The following LHPP variants were observed in gnomAD, a reference collection of about 807,000 sequenced individuals.
LHPP encodes the protein hLHPP.
A neutral mutation model predicts 30.3 loss-of-function variants in LHPP; 24 were observed. That is an observed-to-expected ratio of 0.79 (90% CI 0.57 to 1.11). LHPP has a LOEUF of 1.11. Ranked by LOEUF, LHPP falls within the 50% of genes most tolerant of loss-of-function variation. The pLI, the probability that LHPP is intolerant of heterozygous loss-of-function variation, is 0.00. For synonymous variants in LHPP, 150 were observed against 157.1 expected, an observed-to-expected ratio of 0.95 and a Z score of 0.34; for missense variants, 356 against 367.2, an observed-to-expected ratio of 0.97 and a Z score of 0.25.
intron 5 of LHPP, among the ~76,000 whole-genome samples, chr10:124,513,499 C>T (rs1395533937): frequency 8.8e-6 from 1 of 113,754 alleles, no homozygotes; most frequent in Non-Finnish European, 1.6e-5. Context: ...GAGTCTCACT[C>T]CATCGCCCAT....
At chr10:124,579,942 G>A (rs1394669862) in intron 6 of LHPP, among the ~76,000 whole-genome samples, 1 of 152,216 alleles carries the variant, frequency 6.6e-6, no homozygotes, top group Admixed American at 6.5e-5. Flanking sequence ...GGTATTGTGA[G>A]ATTTTTTTAA....
intron 6 of LHPP, among the ~76,000 whole-genome samples, chr10:124,594,329 CAAAAAAAA>C (rs71026102): frequency 1.3e-5 from 1 of 75,344 alleles, no homozygotes; most frequent in Non-Finnish European, 2.2e-5. Context: ...GACTCCATCT[CAAAAAAAA>C]AAAAAAAAAA....
chr10:124,475,871 C>T (rs1952928859), intron 1 of LHPP, among the ~76,000 whole-genome samples: 1 of 152,218 alleles, frequency 6.6e-6, no homozygotes, highest in Non-Finnish European at 1.5e-5. Flanking sequence ...TCCCTCTGGG[C>T]CTTAGTATCC....
rs574372800 is a variant in LHPP, at chr10:124,529,453, G to C, written c.716+12182G>C. ...TCCCCCTTCTCATGGGTGAGTGAAA[G>C]TTGCTGAAAATAGGCCTCCTGGTGA... On this transcript the variant is annotated intron_variant, in intron 6 of 6. Coordinates refer to ENST00000368842, the MANE Select transcript of LHPP (RefSeq NM_022126.4). Among the ~76,000 whole-genome samples the C allele has an allele frequency of 2.6e-5, 4 of 152,248 alleles. No individual in the cohort carries two copies. In the East Asian group the frequency reaches 7.7e-4, roughly 29 times the overall value.
intron 6 of LHPP, among the ~76,000 whole-genome samples, chr10:124,532,304 C>G (rs1954918476): frequency 6.6e-6 from 1 of 152,234 alleles, no homozygotes; most frequent in Non-Finnish European, 1.5e-5. Flanking sequence ...CTTGTGTTGT[C>G]TCTGGGCATT....
intron 6 of LHPP, among the ~76,000 whole-genome samples, chr10:124,534,169 G>T (rs1346927885): frequency 6.6e-6 from 1 of 152,236 alleles, no homozygotes. Flanking sequence ...GAGTCTCTCT[G>T]CATGGGCCAC....
chr10:124,603,609 C>T (rs1287359661), intron 6 of LHPP, among the ~76,000 whole-genome samples: 1 of 152,120 alleles, frequency 6.6e-6, no homozygotes, highest in Admixed American at 6.5e-5. Flanking sequence ...CCGAGAAGGT[C>T]CTGTATGTGT....
At chr10:124,532,606 A>G (rs1954925996) in intron 6 of LHPP, among the ~76,000 whole-genome samples, 1 of 152,182 alleles carries the variant, frequency 6.6e-6, no homozygotes, top group Non-Finnish European at 1.5e-5. Context: ...CCTGTGGTGG[A>G]CACTCTGCGT....
chr10:124,558,657 C>T (rs12572359), intron 6 of LHPP, among the ~76,000 whole-genome samples: 85,103 of 152,122 alleles, frequency 0.56, 24,094 homozygotes, highest in Non-Finnish European at 0.59. Context: ...CCCAACCCCC[C>T]ATGGCACCCC....
In LHPP at chr10:124,606,002, C is replaced by T. The variant is rs371862548; in HGVS notation, c.717-7262C>T. On this transcript the variant is annotated intron_variant, in intron 6 of 6. Coordinates refer to ENST00000368842, the MANE Select transcript of LHPP (RefSeq NM_022126.4). ...TGCCTCCGCTTCTACCTCCGAAACC[C>T]GGGCAGCAGGACCCACCCTGCAGGC... is the stretch of plus-strand genomic sequence containing the variant. Among the ~76,000 whole-genome samples, 60 of 152,300 alleles carry T rather than the reference C, an allele frequency of 3.9e-4. 1 individual carries two copies. Among genetic ancestry groups the T allele is most frequent in the East Asian group, 2.9e-3 (15 of 5,172 alleles).
At chr10:124,566,355 G>A (rs1281957885) in intron 6 of LHPP, among the ~76,000 whole-genome samples, 2 of 152,154 alleles carry the variant, frequency 1.3e-5, no homozygotes, top group Non-Finnish European at 2.9e-5. Flanking sequence ...TGGGAGCGCT[G>A]GGCAGGGAGA....
rs74781925 is a variant in LHPP at position 124,522,728 on chromosome 10, C to G, written c.716+5457C>G. Among the ~76,000 whole-genome samples, 644 of 148,540 alleles carry G rather than the reference C, an allele frequency of 4.3e-3. 4 individuals are homozygous for G. The highest frequency in any genetic ancestry group is 0.015 in the African/African-American group (593 of 38,488). Reference sequence around the variant, plus strand: ...GTAAGTGCACTGCTGCCCACGCCCCCCCCCAAGCACTGTCTGCTCCTCCCT... The same window carrying G: ...GTAAGTGCACTGCTGCCCACGCCCCGCCCCAAGCACTGTCTGCTCCTCCCT... On this transcript the variant is annotated intron_variant, in intron 6 of 6. Transcript: ENST00000368842.
intron 6 of LHPP, among the ~76,000 whole-genome samples, chr10:124,540,794 G>C (rs1199627325): frequency 1.3e-5 from 2 of 152,136 alleles, no homozygotes; most frequent in African/African-American, 4.8e-5. Context: ...CAAAACCAGG[G>C]GGCAGAGTCC....
intron 6 of LHPP, among the ~76,000 whole-genome samples, chr10:124,545,219 G>T (rs895324565): frequency 6.6e-6 from 1 of 152,214 alleles, no homozygotes; most frequent in Non-Finnish European, 1.5e-5. Flanking sequence ...GGATGCCGGG[G>T]CCTCGGCTGA....
At chr10:124,540,240 G>T (rs1010013858) in intron 6 of LHPP, among the ~76,000 whole-genome samples, 1 of 152,192 alleles carries the variant, frequency 6.6e-6, no homozygotes, top group Non-Finnish European at 1.5e-5. Context: ...GACAAGGAGG[G>T]CTCCCACCTA....
intron 5 of LHPP, among the ~76,000 whole-genome samples, chr10:124,501,457 C>G (rs976472979): frequency 1.1e-4 from 16 of 151,400 alleles, no homozygotes; most frequent in African/African-American, 3.9e-4. Flanking sequence ...CAAACATTAG[C>G]CAGACGTGGT....
At chr10:124,462,576 C>T (rs1037479432) in intron 1 of LHPP, among the ~76,000 whole-genome samples, 7 of 152,148 alleles carry the variant, frequency 4.6e-5, no homozygotes, top group African/African-American at 1.7e-4. Context: ...GCCTGGACTG[C>T]AGAGCGAGAC....
intron 6 of LHPP, among the ~76,000 whole-genome samples, chr10:124,603,051 G>A (rs928615916): frequency 6.1e-5 from 6 of 97,988 alleles, no homozygotes; most frequent in African/African-American, 1.5e-4. Context: ...GAGGGGTACT[G>A]GGGCTGGGCC....
At chr10:124,483,925 C>T (rs1218362276) in intron 1 of LHPP, among the ~76,000 whole-genome samples, 1 of 151,558 alleles carries the variant, frequency 6.6e-6, no homozygotes, top group African/African-American at 2.4e-5. Context: ...GTTGTCGGGG[C>T]GTGGTATGGG....
Sources: allele counts gnomAD v4.1 joint callset (sites outside exome capture counted in the v4.1 genomes callset), GRCh38; gene constraint gnomAD v4.1.1; transcripts MANE v1.5; gene names NCBI Gene and HGNC (gene_info 2026-07-23, HGNC 2026-07-21).